Variants in ALK observed in about 807,000 individuals in gnomAD.
The protein encoded by ALK is ALK receptor tyrosine kinase.
Under a neutral mutation model 163.1 loss-of-function variants are expected in ALK, and 74 were observed. That is an observed-to-expected ratio of 0.45 (90% confidence interval 0.38 to 0.55). ALK has a LOEUF of 0.55. Among genes scored for constraint, ALK ranks in the 20% least tolerant of loss-of-function variants. ALK has a pLI of 0.00. For synonymous variants in ALK, 960 were observed against 843.2 expected (o/e 1.14, Z -2.40); for missense variants, 2,063 against 2,105.3 (o/e 0.98, Z 0.39).
intron 1 of ALK, among the ~76,000 whole-genome samples, chr2:29,780,318 G>T (rs889646589): frequency 3.9e-5 from 6 of 152,158 alleles, no homozygotes; most frequent in Non-Finnish European, 7.3e-5. Context: ...CTCTAAGGGA[G>T]CCCATTTCCG....
intron 4 of ALK, among the ~76,000 whole-genome samples, chr2:29,400,095 A>G (rs1010644987): frequency 6.6e-6 from 1 of 152,134 alleles, no homozygotes; most frequent in Admixed American, 6.5e-5. Context: ...CAGGGGCTGG[A>G]GCCCCATGTT....
At chr2:29,583,815 C>A (rs145479604) in intron 3 of ALK, among the ~76,000 whole-genome samples, 1 of 152,210 alleles carries the variant, frequency 6.6e-6, no homozygotes, top group Non-Finnish European at 1.5e-5. Context: ...AATGACCAGT[C>A]TTCAGTGGAA....
chr2:29,643,894 C>T (rs1462237291), intron 3 of ALK, among the ~76,000 whole-genome samples: 1 of 152,154 alleles, frequency 6.6e-6, no homozygotes, highest in South Asian at 2.1e-4. Context: ...CATCCCATTA[C>T]TGGGTATATA....
At chr2:29,234,328 C>T (rs1664311837) in intron 13 of ALK, among the ~76,000 whole-genome samples, 1 of 152,122 alleles carries the variant, frequency 6.6e-6, no homozygotes, top group African/African-American at 2.4e-5. Context: ...GAGTGGACTT[C>T]ATTCTCTATG....
intron 1 of ALK, among the ~76,000 whole-genome samples, chr2:29,732,017 C>T (rs1679756912): frequency 6.6e-6 from 1 of 152,190 alleles, no homozygotes; most frequent in African/African-American, 2.4e-5. Flanking sequence ...TGGGTAAACC[C>T]TGGTCATTTG....
intron 12 of ALK, among the ~76,000 whole-genome samples, chr2:29,245,646 T>C (rs1170482430): frequency 6.0e-4 from 57 of 94,714 alleles, no homozygotes; most frequent in South Asian, 1.2e-3. Context: ...GCCCTGCACA[T>C]AGTAGGGGCT....
intron 3 of ALK, among the ~76,000 whole-genome samples, chr2:29,668,322 T>G (rs1407382773): frequency 1.3e-5 from 2 of 152,060 alleles, no homozygotes; most frequent in African/African-American, 4.8e-5. Flanking sequence ...GTTTGATTTA[T>G]TCTTGCTTTT....
rs1553368450 is a variant in ALK, at chr2:29,831,118, A to AGGGGAAGAAGGG, written c.667+88874_667+88875insCCCTTCTTCCCC. ...GAGGAGGAGGAGGAGGAGAAGAAGA[A>AGGGGAAGAAGGG]GAAGAAGGGGAAGAAGGGGAAGAAG... On this transcript the variant is annotated intron_variant, in intron 1 of 28. Coordinates refer to ENST00000389048, the MANE Select transcript of ALK (RefSeq NM_004304.5). 2.2e-3 allele frequency among the ~76,000 whole-genome samples: 124 copies of AGGGGAAGAAGGG among 55,502 alleles called. 18 individuals carry two copies. The highest frequency in any genetic ancestry group is 8.9e-3 in the African/African-American group (121 of 13,534). The allele number at this position is 55,502 out of a possible 152,430, so 36.4% of individuals were successfully genotyped here.
intron 4 of ALK, among the ~76,000 whole-genome samples, chr2:29,416,979 C>CT (rs751862066): frequency 0.011 from 860 of 77,668 alleles, 147 homozygotes; most frequent in Middle Eastern, 0.02. Flanking sequence ...ATGTTTGATG[C>CT]TTTTTTTTTT....
chr2:29,739,459 G>A (rs964144072), intron 1 of ALK, among the ~76,000 whole-genome samples: 1 of 151,432 alleles, frequency 6.6e-6, no homozygotes, highest in African/African-American at 2.4e-5. Context: ...TCAGGAGGCT[G>A]AGGCAGGAGA....
At chr2:29,685,934 T>C (rs1251065201) in intron 3 of ALK, among the ~76,000 whole-genome samples, 1 of 152,150 alleles carries the variant, frequency 6.6e-6, no homozygotes, top group Non-Finnish European at 1.5e-5. Flanking sequence ...CAATGTGACC[T>C]CCTTAAATCT....
intron 3 of ALK, among the ~76,000 whole-genome samples, chr2:29,591,019 C>T (rs1022790547): frequency 7.2e-6 from 1 of 138,042 alleles, no homozygotes; most frequent in Non-Finnish European, 1.5e-5. Context: ...TGCAGTGAGC[C>T]GAGATCGCGC....
At chr2:29,894,424 C>G (rs1317769558) in intron 1 of ALK, among the ~76,000 whole-genome samples, 1 of 152,070 alleles carries the variant, frequency 6.6e-6, no homozygotes, top group Non-Finnish European at 1.5e-5. Flanking sequence ...TACTATCCCC[C>G]ACGTGGCATT....
intron 1 of ALK, among the ~76,000 whole-genome samples, chr2:29,907,727 A>T (rs72857515): frequency 6.6e-6 from 1 of 152,090 alleles, no homozygotes; most frequent in African/African-American, 2.4e-5. Flanking sequence ...TACCACGTGC[A>T]TGTAAATAGC....
chr2:29,623,248 C>G (rs1356064157), intron 3 of ALK, among the ~76,000 whole-genome samples: 1 of 152,128 alleles, frequency 6.6e-6, no homozygotes, highest in African/African-American at 2.4e-5. Context: ...AAAAAATGAT[C>G]TTCATGATGG....
chr2:29,377,140 A>G (rs1668771695), intron 5 of ALK, among the ~76,000 whole-genome samples: 1 of 152,214 alleles, frequency 6.6e-6, no homozygotes, highest in Admixed American at 6.5e-5. Flanking sequence ...TCATATTTTA[A>G]ATAAGTGTAA....
rs560205203 is a variant in ALK, at chr2:29,877,529, C to A, written c.667+42464G>T. ...TTTCTGTTTGGTTCACTGCTGTATCCCTAGCGCCTAGACCATGCCTATCAC... is the reference window on the plus strand; with the variant it reads ...TTTCTGTTTGGTTCACTGCTGTATCACTAGCGCCTAGACCATGCCTATCAC... On this transcript the variant is annotated intron_variant, in intron 1 of 28. Transcript: ENST00000389048. 5.3e-5 allele frequency among the ~76,000 whole-genome samples: 8 copies of A among 152,262 alleles called. No individual in the cohort carries two copies. The East Asian group carries it at 1.5e-3, about 29-fold the overall frequency.
chr2:29,879,284 A>C (rs1558530727), intron 1 of ALK, among the ~76,000 whole-genome samples: 1 of 152,202 alleles, frequency 6.6e-6, no homozygotes, highest in African/African-American at 2.4e-5. Flanking sequence ...AACAGCTTAC[A>C]AGGAAATACT....
At chr2:29,475,140 G>C (rs1421259377) in intron 4 of ALK, among the ~76,000 whole-genome samples, 1 of 152,272 alleles carries the variant, frequency 6.6e-6, no homozygotes, top group Admixed American at 6.5e-5. Flanking sequence ...CAACTCGAGA[G>C]GGCGGAAAAT....
Sources: gnomAD v4.1 joint callset for allele counts (sites outside exome capture counted in the v4.1 genomes callset) on GRCh38, gnomAD v4.1.1 for gene constraint, MANE v1.5 for transcripts, NCBI Gene and HGNC (gene_info 2026-07-23, HGNC 2026-07-21) for gene names.